Variants in POU5F1 observed in about 807,000 individuals in gnomAD.
POU5F1 encodes POU class 5 homeobox 1, also known as POU domain, class 5, transcription factor 1.
In POU5F1, 6 loss-of-function variants were observed where a neutral mutation model predicts 38.3. The ratio of observed to expected loss-of-function variants is 0.16; its 90% CI spans 0.09 to 0.31. The LOEUF (loss-of-function observed/expected upper bound fraction) is 0.31. Among genes scored for constraint, POU5F1 ranks in the 10% least tolerant of loss-of-function variants. The probability of loss-of-function intolerance (pLI) is 1.00; values close to 1 mark genes in which losing one functional copy is unlikely to be tolerated. For missense variants in POU5F1, 286 were observed against 462.6 expected, an observed-to-expected ratio of 0.62 and a Z score of 3.50; for synonymous variants, 147 against 194.9, an observed-to-expected ratio of 0.75 and a Z score of 2.05.
At position 31,170,100 on chromosome 6, in the gene POU5F1, C is replaced by T. The variant is rs1336365795; in HGVS notation, c.405+116G>A. On this transcript the variant is annotated intron_variant, in intron 1 of 4. Coordinates refer to ENST00000259915, the MANE Select transcript of POU5F1 (RefSeq NM_002701.6). ...CCCCTCCCTGGCCAGGGCAGCTGAC[C>T]CTGCCTGCTCCTCTCCTGGGTGCCA... 1.5e-5 allele frequency: 24 copies of T among 1,553,748 alleles called. No homozygotes were observed. In the African/African-American group the frequency reaches 2.4e-4, roughly 16 times the overall value.
intron 1 of POU5F1, chr6:31,166,318 G>T: frequency 4.7e-6 from 7 of 1,474,624 alleles, no homozygotes; most frequent in Non-Finnish European, 6.3e-6. Flanking sequence ...ATCGTGAAAG[G>T]ACAGAAAGAG....
In POU5F1 at chr6:31,170,311, C is replaced by T. The variant is rs1437695339; in HGVS notation, c.310G>A (p.Glu104Lys). Residue 104 changes from glutamate to lysine, a missense_variant, in exon 1 of 5, where the codon GAG (glutamate) becomes AAG (lysine). Transcript: ENST00000259915. ...GGGGAGGCCCCATCGGAGTTGCTCT[C>T]CACCCCGACTCCTGCTTCGCCCTCA... ...QPEGEAGVGV[E>K]SNSDGASPEP... 1 of 1,612,790 alleles carries T rather than the reference C, an allele frequency of 6.2e-7. No homozygotes were observed. The highest frequency in any genetic ancestry group is 8.5e-7 in the Non-Finnish European group (1 of 1,179,846).
chr6:31,166,863 A>G (rs1172171053), intron 1 of POU5F1: 30 of 1,275,506 alleles, frequency 2.4e-5, no homozygotes, highest in South Asian at 3.1e-5. Flanking sequence ...CCCACAAACT[A>G]TAACATGGCA....
At chr6:31,169,969 G>T in intron 1 of POU5F1, 1 of 623,664 alleles carries the variant, frequency 1.6e-6, no homozygotes, top group East Asian at 2.8e-5. Context: ...GCCAGCTTCC[G>T]ACTCTCCCAG....
intron 1 of POU5F1, chr6:31,166,691 A>C: frequency 8.5e-7 from 1 of 1,178,438 alleles, no homozygotes; most frequent in South Asian, 2.3e-5. Flanking sequence ...AGTTCATTTA[A>C]TACCTGCAAA....
chr6:31,166,003 G>A lies in POU5F1; in HGVS notation c.450C>T (p.Ala150=). The stretch of plus-strand genomic sequence containing the variant: ...TGATCCTCTTCTGCTTCAGGAGCTT[G>A]GCAAATTGCTCGAGTTCTTTCTGCA... ...KALQKELEQF[A]KLLKQKRITL... Residue 150 remains alanine, a synonymous_variant, in exon 2 of 5, where the codon GCC becomes GCT. Coordinates refer to ENST00000259915, the MANE Select transcript of POU5F1 (RefSeq NM_002701.6). The A allele has an allele frequency of 6.2e-7, 1 of 1,614,212 alleles. No individual in the cohort carries two copies. Among genetic ancestry groups the A allele is most frequent in the Non-Finnish European group, 8.5e-7 (1 of 1,180,040 alleles).
rs192146552 is a variant in POU5F1, at chr6:31,170,634, G to A, written c.-14C>T. 3.4e-3 allele frequency: 5,190 copies of A among 1,542,598 alleles called. 39 individuals are homozygous for A. Among genetic ancestry groups the A allele is most frequent in the Admixed American group, 0.01 (497 of 49,354 alleles). ...GTGTCCCGCCATGGGGAAGGAAGGC[G>A]CCCCAAGCCGGGGGCCTGGTGAAAT... On this transcript the variant is annotated 5_prime_UTR_variant, in exon 1 of 5. Transcript: ENST00000259915.
intron 1 of POU5F1, chr6:31,167,138 T>C (rs915242328): frequency 2.1e-4 from 88 of 420,414 alleles, no homozygotes; most frequent in African/African-American, 1.7e-3. Context: ...GTTGCCCACT[T>C]GGATCTCTTC....
chr6:31,166,928 T>A, intron 1 of POU5F1: 1 of 1,224,722 alleles, frequency 8.2e-7, no homozygotes, highest in Non-Finnish European at 1.1e-6. Context: ...ATGGATAAAG[T>A]GCTTTGTGTG....
In POU5F1 at chr6:31,164,810, A is replaced by T; in HGVS notation, c.874T>A (p.Tyr292Asn). ...GCCTCAAAATCCTCTCGTTGTGCAT[A>T]GTCGCTGCTTGATCGCTTGCCCTTC... ...RQKGKRSSSD[Y>N]AQREDFEAAG... is the part of the protein sequence containing the mutation. The change falls in exon 5 of 5, where the codon TAT (tyrosine) becomes AAT (asparagine). Residue 292 changes from tyrosine (Y) to asparagine (N), a missense_variant. Around this residue, in one of 2 missense-constraint regions of POU5F1, gnomAD observed 110 missense variants for 277.8 expected, o/e 0.40. Coordinates refer to ENST00000259915, the MANE Select transcript of POU5F1 (RefSeq NM_002701.6). The T allele has an allele frequency of 1.9e-6, 3 of 1,612,938 alleles. No homozygotes were observed. Among genetic ancestry groups the T allele is most frequent in the Non-Finnish European group, 2.5e-6 (3 of 1,179,554 alleles).
Position 31,165,391 on chromosome 6 carries a change from T to TG in POU5F1, c.658-106dup. On this transcript the variant is annotated intron_variant, in intron 3 of 4. Transcript: ENST00000259915. The surrounding 1 kb of genome is among the most constrained non-coding windows in gnomAD (Gnocchi z 6.5). ...GTGTCAGCAGAGCCAGGTGGTGGTGTGAAAAGGCAGGATCCTGGAAGGGTT... is the reference window on the plus strand; with the variant it reads ...GTGTCAGCAGAGCCAGGTGGTGGTGTGGAAAAGGCAGGATCCTGGAAGGGTT... 1.9e-6 allele frequency: 3 copies of TG among 1,562,730 alleles called. No homozygotes were observed. The highest frequency in any genetic ancestry group is 1.9e-5 in the Admixed American group (1 of 52,386).
At chr6:31,164,888 G>A (rs918077673) in intron 4 of POU5F1, 21 bp from the exon 5 acceptor site, 12 of 1,593,940 alleles carry the variant, frequency 7.5e-6, no homozygotes, top group Non-Finnish European at 7.7e-6. Context: ...ATGACAGAAA[G>A]GAGAATGACA....
At chr6:31,166,343 A>AG (rs1554135251) in intron 1 of POU5F1, 70,237 of 1,440,080 alleles carry the variant, frequency 0.049, 2,029 homozygotes, top group South Asian at 0.077. Context: ...CCTGGCCTCG[A>AG]GAACACCTGT....
Position 31,165,904 on chromosome 6 carries a change from AG to A in POU5F1, c.526+22del. ...TACTCCTTAGAGGGGAGATGCGGTC[AG>A]AATCTGCAGAGGGGAACCCACCAAA... On this transcript the variant is annotated intron_variant, in intron 2 of 4. Transcript: ENST00000259915. This position sits in a 1 kb window ranked among gnomAD's most constrained non-coding sequence, Gnocchi z 6.5. 6.2e-7 allele frequency: 1 copy of A among 1,613,900 alleles called. No homozygotes were observed. The highest frequency in any genetic ancestry group is 8.5e-7 in the Non-Finnish European group (1 of 1,179,922).
Position 31,165,556 on chromosome 6 carries a change from C to T in POU5F1, c.657+15G>A. Reference sequence around the variant, plus strand: ...AGAAAGGGAAGGTCCCCGGGTATCCCCCTCCCACCCTTACCTCCTGAAGAT... The same window carrying T: ...AGAAAGGGAAGGTCCCCGGGTATCCTCCTCCCACCCTTACCTCCTGAAGAT... On this transcript the variant is annotated intron_variant, in intron 3 of 4. Coordinates refer to ENST00000259915, the MANE Select transcript of POU5F1 (RefSeq NM_002701.6). The surrounding 1 kb of genome is among the most constrained non-coding windows in gnomAD (Gnocchi z 6.5). The T allele has an allele frequency of 6.2e-7, 1 of 1,613,346 alleles. No individual in the cohort carries two copies. The highest frequency in any genetic ancestry group is 1.7e-5 in the Admixed American group (1 of 60,012).
Position 31,170,586 on chromosome 6 carries a change from G to A in POU5F1, c.35C>T (p.Ser12Leu), listed in dbSNP as rs1298645112. Residue 12 changes from serine to leucine, a missense_variant, in exon 1 of 5, where the codon TCG becomes TTG. Physicochemically the swap from Ser to Leu is moderately radical, Grantham distance 145 (BLOSUM62 -2). Coordinates refer to ENST00000259915, the MANE Select transcript of POU5F1 (RefSeq NM_002701.6). ...AGHLASDFAF[S>L]PPPGGGGDGP... is the part of the protein sequence containing the mutation. ...ATCACCTCCACCACCTGGAGGGGGC[G>A]AGAAGGCGAAATCCGAAGCCAGGTG... The A allele has an allele frequency of 1.9e-6, 3 of 1,565,784 alleles. No homozygotes were observed. The highest frequency in any genetic ancestry group is 2.3e-5 in the East Asian group (1 of 42,628).
intron 1 of POU5F1, 55 bp from the exon 2 acceptor site, chr6:31,166,102 C>T (rs764458539): frequency 4.5e-5 from 72 of 1,614,220 alleles, no homozygotes; most frequent in Non-Finnish European, 6.0e-5. Flanking sequence ...AGTTATCAAT[C>T]TCCCCTTTCC....
intron 1 of POU5F1, chr6:31,167,044 T>C (rs1777322739): frequency 1.7e-6 from 1 of 590,472 alleles, no homozygotes; most frequent in Non-Finnish European, 3.1e-6. Context: ...TCGAGCACCT[T>C]CTATAAGCCA....
Position 31,165,393 on chromosome 6 carries a change from A to T in POU5F1, c.658-107T>A. Reference sequence around the variant, plus strand: ...GTCAGCAGAGCCAGGTGGTGGTGTGAAAAGGCAGGATCCTGGAAGGGTTGG... The same window carrying T: ...GTCAGCAGAGCCAGGTGGTGGTGTGTAAAGGCAGGATCCTGGAAGGGTTGG... On this transcript the variant is annotated intron_variant, in intron 3 of 4. Transcript: ENST00000259915. The surrounding 1 kb of genome is among the most constrained non-coding windows in gnomAD (Gnocchi z 6.5). 1.9e-6 allele frequency: 3 copies of T among 1,562,190 alleles called. No homozygotes were observed. The highest frequency in any genetic ancestry group is 2.6e-6 in the Non-Finnish European group (3 of 1,150,812).
Sources: gnomAD v4.1 joint callset for allele counts on GRCh38, gnomAD v4.1.1 for gene constraint, gnomAD v4.1.1 regional missense constraint, Gnocchi (gnomAD v3.1) non-coding constraint, MANE v1.5 for transcripts, NCBI Gene and HGNC (gene_info 2026-07-23, HGNC 2026-07-21) for gene names.